The following SPECC1L variants were observed in gnomAD, a reference collection of about 807,000 sequenced individuals.
SPECC1L encodes the protein sperm antigen with calponin homology and coiled-coil domains 1 like, also known as cytospin-A.
Under a neutral mutation model 116.8 loss-of-function variants are expected in SPECC1L, and 40 were observed. The ratio of observed to expected loss-of-function variants is 0.34; its 90% CI spans 0.27 to 0.45. The LOEUF (loss-of-function observed/expected upper bound fraction) is 0.45, where lower values mean the gene tolerates loss of function less well. Among genes scored for constraint, SPECC1L ranks in the 20% least tolerant of loss-of-function variants. SPECC1L has a pLI of 1.00. For synonymous variants in SPECC1L, 504 were observed against 500.6 expected, an observed-to-expected ratio of 1.01 and a Z score of -0.09; for missense variants, 1,110 against 1,373.6, an observed-to-expected ratio of 0.81 and a Z score of 3.03.
chr22:24,328,874 G>A lies in SPECC1L; in HGVS notation c.2175G>A (p.Lys725=). The change falls in exon 7 of 17, where the codon AAG becomes AAA. Residue 725 remains lysine (K), a synonymous_variant. Coordinates refer to ENST00000314328, the MANE Select transcript of SPECC1L (RefSeq NM_015330.6). ...ENTVKKLQDQ[K]HDMEREIKTL... ...CAGTTAAAAAACTCCAGGACCAAAA[G>A]CACGACATGGAAAGAGAAATAAAGA... 1.2e-6 allele frequency: 2 copies of A among 1,613,708 alleles called. No homozygotes were observed. The highest frequency in any genetic ancestry group is 1.7e-5 in the Admixed American group (1 of 60,012).
intron 11 of SPECC1L, among the ~76,000 whole-genome samples, chr22:24,360,094 A>C (rs1003708773): frequency 6.6e-6 from 1 of 152,268 alleles, no homozygotes; most frequent in Non-Finnish European, 1.5e-5. Context: ...TGAATGGATT[A>C]AGACAAGAAT....
chr22:24,298,937 T>C (rs2049320993), intron 2 of SPECC1L, among the ~76,000 whole-genome samples: 1 of 152,236 alleles, frequency 6.6e-6, no homozygotes, highest in African/African-American at 2.4e-5. Context: ...ACCATCACAC[T>C]GAGAGTGATT....
chr22:24,291,080 A>T (rs1239306747), intron 2 of SPECC1L, among the ~76,000 whole-genome samples: 1 of 152,214 alleles, frequency 6.6e-6, no homozygotes, highest in African/African-American at 2.4e-5. Context: ...TACAATTTTA[A>T]TATGATCTCT....
At chr22:24,333,115 C>G (rs2040971634) in intron 8 of SPECC1L, among the ~76,000 whole-genome samples, 1 of 152,140 alleles carries the variant, frequency 6.6e-6, no homozygotes, top group Non-Finnish European at 1.5e-5. Context: ...GTAATCCCAG[C>G]TACTCGGGAG....
At chr22:24,348,163 A>C (rs1181295375) in intron 11 of SPECC1L, among the ~76,000 whole-genome samples, 1 of 151,978 alleles carries the variant, frequency 6.6e-6, no homozygotes, top group African/African-American at 2.4e-5. Flanking sequence ...TGGGTGTGGG[A>C]ATGTTCCCAA....
At chr22:24,324,078 A>T in intron 5 of SPECC1L, 142 bp from the exon 6 acceptor site, 1 of 690,598 alleles carries the variant, frequency 1.4e-6, no homozygotes. Flanking sequence ...CATACTTTTT[A>T]ACAGTTATTA....
At chr22:24,289,623 G>A (rs558572094) in intron 2 of SPECC1L, among the ~76,000 whole-genome samples, 9 of 151,700 alleles carry the variant, frequency 5.9e-5, no homozygotes, top group East Asian at 1.9e-4. Context: ...TGAGCTTTTC[G>A]TTGGCCAAAA....
intron 2 of SPECC1L, among the ~76,000 whole-genome samples, chr22:24,296,602 C>T (rs540720466): frequency 2.2e-4 from 34 of 152,356 alleles, no homozygotes; most frequent in Non-Finnish European, 3.7e-4. Context: ...CACCACTTCC[C>T]CTTCTCCAAG....
chr22:24,281,119 A>G (rs2048935114), intron 2 of SPECC1L, among the ~76,000 whole-genome samples: 1 of 152,232 alleles, frequency 6.6e-6, no homozygotes, highest in South Asian at 2.1e-4. Context: ...TAATGTAATG[A>G]AAATTTTAAA....
chr22:24,342,858 C>T (rs367732787), intron 10 of SPECC1L, among the ~76,000 whole-genome samples: 2 of 151,696 alleles, frequency 1.3e-5, no homozygotes, highest in South Asian at 2.1e-4. Context: ...GAAAAAAAGG[C>T]GGGTCGGGGG....
intron 10 of SPECC1L, among the ~76,000 whole-genome samples, chr22:24,345,840 T>TA (rs1250309782): frequency 6.6e-6 from 1 of 152,104 alleles, no homozygotes; most frequent in Non-Finnish European, 1.5e-5. Context: ...GTTAGCCAGA[T>TA]AAAAAGGGCT....
rs983416719 is a variant in SPECC1L, at chr22:24,415,464, C to G, written c.*841C>G. 2.0e-5 allele frequency: 3 copies of G among 152,644 alleles called. No homozygotes were observed. Among genetic ancestry groups the G allele is most frequent in the Non-Finnish European group, 4.4e-5 (3 of 68,102 alleles). The allele number at this position is 152,644 out of a possible 1,614,324, so 9.5% of individuals were successfully genotyped here. On this transcript the variant is annotated 3_prime_UTR_variant, in exon 17 of 17. Transcript: ENST00000314328. Reference sequence around the variant, plus strand: ...ACGAGCAATGCTGGAAAAGGTCGCTCCTGTTCTGTTAGTACCAAAGTTACA... The same window carrying G: ...ACGAGCAATGCTGGAAAAGGTCGCTGCTGTTCTGTTAGTACCAAAGTTACA...
intron 2 of SPECC1L, among the ~76,000 whole-genome samples, chr22:24,294,891 C>T (rs141795781): frequency 0.012 from 1,805 of 152,224 alleles, 32 homozygotes; most frequent in African/African-American, 0.041. Context: ...CGATGTTGCA[C>T]GTAGAGTTTC....
chr22:24,375,190 C>G (rs1163008272), intron 14 of SPECC1L, among the ~76,000 whole-genome samples: 3 of 152,114 alleles, frequency 2.0e-5, no homozygotes, highest in Non-Finnish European at 4.4e-5. Flanking sequence ...AATCAAAATA[C>G]TTCCAGCAAA....
At chr22:24,355,678 T>C (rs974019985) in intron 11 of SPECC1L, among the ~76,000 whole-genome samples, 1 of 152,190 alleles carries the variant, frequency 6.6e-6, no homozygotes, top group African/African-American at 2.4e-5. Flanking sequence ...TGTTCAACCT[T>C]ACTATACATA....
chr22:24,309,245 A>G (rs2049564718), intron 3 of SPECC1L, among the ~76,000 whole-genome samples: 1 of 152,198 alleles, frequency 6.6e-6, no homozygotes. Flanking sequence ...AAGGTTCATA[A>G]TAGCCTTTCC....
At chr22:24,300,138 C>A (rs1488799498) in intron 2 of SPECC1L, among the ~76,000 whole-genome samples, 1 of 152,156 alleles carries the variant, frequency 6.6e-6, no homozygotes. Context: ...TCCCCTCGTT[C>A]CCCACCCCAC....
At chr22:24,387,456 A>G (rs1341873187) in intron 14 of SPECC1L, among the ~76,000 whole-genome samples, 2 of 152,214 alleles carry the variant, frequency 1.3e-5, no homozygotes, top group Non-Finnish European at 2.9e-5. Context: ...AGGCGACTAC[A>G]TGGTATATTC....
At chr22:24,342,310 T>TA (rs2041192994) in intron 10 of SPECC1L, among the ~76,000 whole-genome samples, 1 of 152,058 alleles carries the variant, frequency 6.6e-6, no homozygotes. Context: ...GCAATGTAAA[T>TA]ATGATCTCTG....
Sources: gnomAD v4.1 joint callset for allele counts (sites outside exome capture counted in the v4.1 genomes callset) on GRCh38, gnomAD v4.1.1 for gene constraint, MANE v1.5 for transcripts, NCBI Gene and HGNC (gene_info 2026-07-23, HGNC 2026-07-21) for gene names.